Variants in SLC35F3 observed in about 807,000 individuals in gnomAD.
The protein encoded by SLC35F3 is solute carrier family 35 member F3.
Under a neutral mutation model 49.9 loss-of-function variants are expected in SLC35F3, and 25 were observed. The ratio of observed to expected loss-of-function variants is 0.50; its 90% CI spans 0.37 to 0.70. SLC35F3 has a LOEUF of 0.70. SLC35F3 is among the 30% of genes least tolerant of loss of function. SLC35F3 has a pLI of 0.00. For synonymous variants in SLC35F3, 275 were observed against 265.4 expected, an observed-to-expected ratio of 1.04 and a Z score of -0.35; for missense variants, 525 against 639.8, an observed-to-expected ratio of 0.82 and a Z score of 1.94.
chr1:233,934,525 T>C (rs550629717), intron 2 of SLC35F3, among the ~76,000 whole-genome samples: 106 of 152,260 alleles, frequency 7.0e-4, no homozygotes, highest in Non-Finnish European at 1.3e-3. Flanking sequence ...AAGAAAAAAA[T>C]CAATTATTAC....
intron 5 of SLC35F3, 44 bp downstream of exon 5, chr1:234,316,771 C>T (rs775625794): frequency 2.1e-5 from 33 of 1,577,808 alleles, no homozygotes; most frequent in Non-Finnish European, 2.8e-5. Flanking sequence ...GGGCTCTCCT[C>T]AGCCAGCACA....
chr1:233,941,125 A>G (rs1252332534), intron 2 of SLC35F3, among the ~76,000 whole-genome samples: 1 of 152,184 alleles, frequency 6.6e-6, no homozygotes, highest in Non-Finnish European at 1.5e-5. Context: ...CACACCGTAT[A>G]TGGTTATAAC....
chr1:234,153,418 G>A (rs540852294), intron 2 of SLC35F3, among the ~76,000 whole-genome samples: 1 of 152,062 alleles, frequency 6.6e-6, no homozygotes, highest in Non-Finnish European at 1.5e-5. Flanking sequence ...AGACCAGCCT[G>A]GGCAACATAG....
Position 234,214,776 on chromosome 1 carries a change from G to T in SLC35F3, c.284-16641G>T. 1 of 636,406 alleles carries T rather than the reference G, an allele frequency of 1.6e-6. No individual in the cohort carries two copies. 39.4% of individuals were successfully genotyped at this position (636,406 alleles called of 1,614,324 possible). ...CTGCCCTGAGCTCCCTGGCGAGCAG[G>T]AGTGAGCTGCTGCGGCGAGTGAGCA... On this transcript the variant is annotated intron_variant, in intron 2 of 7. Transcript: ENST00000366618. This position sits in a 1 kb window ranked among gnomAD's most constrained non-coding sequence, Gnocchi z 8.0.
intron 3 of SLC35F3, among the ~76,000 whole-genome samples, chr1:234,232,519 C>CCAAAAA (rs1667395583): frequency 1.4e-5 from 1 of 72,362 alleles, no homozygotes. Flanking sequence ...CAGGCCTAGT[C>CCAAAAA]AAAAAAAAAA....
chr1:234,115,638 G>A (rs999916776), intron 2 of SLC35F3, among the ~76,000 whole-genome samples: 1 of 152,148 alleles, frequency 6.6e-6, no homozygotes, highest in Non-Finnish European at 1.5e-5. Context: ...AATAGTAAAA[G>A]AATTTCCATA....
chr1:234,260,768 AC>A (rs1351494769), intron 3 of SLC35F3, among the ~76,000 whole-genome samples: 1 of 152,182 alleles, frequency 6.6e-6, no homozygotes, highest in Non-Finnish European at 1.5e-5. Flanking sequence ...AGCACATGGC[AC>A]CGGGAGAAAC....
intron 3 of SLC35F3, among the ~76,000 whole-genome samples, chr1:234,294,683 C>T (rs934013587): frequency 5.3e-5 from 8 of 152,326 alleles, no homozygotes; most frequent in African/African-American, 1.4e-4. Context: ...CGCTGAGTTC[C>T]GCTCATTTAT....
chr1:234,241,938 C>A (rs1473629094), intron 3 of SLC35F3, among the ~76,000 whole-genome samples: 2 of 152,096 alleles, frequency 1.3e-5, no homozygotes, highest in Non-Finnish European at 2.9e-5. Flanking sequence ...TCCTTGATGG[C>A]CTTTCTGCAC....
At chr1:234,100,693 T>C (rs1033375614) in intron 2 of SLC35F3, among the ~76,000 whole-genome samples, 3 of 152,160 alleles carry the variant, frequency 2.0e-5, no homozygotes, top group Non-Finnish European at 2.9e-5. Context: ...GGAGGGAGAC[T>C]AAAAGGAATA....
chr1:234,173,650 C>T (rs1666433319), intron 2 of SLC35F3, among the ~76,000 whole-genome samples: 1 of 152,202 alleles, frequency 6.6e-6, no homozygotes, highest in Non-Finnish European at 1.5e-5. Context: ...AAAGCAGCCA[C>T]AATGTGGATT....
intron 2 of SLC35F3, among the ~76,000 whole-genome samples, chr1:234,104,913 G>A (rs1431325250): frequency 2.6e-5 from 4 of 152,186 alleles, no homozygotes; most frequent in East Asian, 1.9e-4. Flanking sequence ...GGCGGATCAC[G>A]GGGTCAGGTG....
intron 2 of SLC35F3, among the ~76,000 whole-genome samples, chr1:233,926,604 G>T (rs543116844): frequency 9.2e-5 from 14 of 152,092 alleles, no homozygotes; most frequent in Non-Finnish European, 1.8e-4. Context: ...GGAGAAGTTT[G>T]TTATTACCGA....
chr1:234,168,223 G>T (rs2045520), intron 2 of SLC35F3, among the ~76,000 whole-genome samples: 98,633 of 152,212 alleles, frequency 0.65, 39,479 homozygotes, highest in Non-Finnish European at 0.91. Flanking sequence ...ATGACTTTCA[G>T]ATGCTGTCTG....
intron 2 of SLC35F3, among the ~76,000 whole-genome samples, chr1:233,968,194 C>T (rs1459497187): frequency 1.3e-5 from 2 of 152,148 alleles, no homozygotes; most frequent in Non-Finnish European, 2.9e-5. Context: ...CAATCTCTGC[C>T]TCCATCTTCA....
At chr1:233,994,453 C>CGA (rs1553295307) in intron 2 of SLC35F3, among the ~76,000 whole-genome samples, 41,882 of 151,976 alleles carry the variant, frequency 0.28, 6,007 homozygotes, top group East Asian at 0.49. Context: ...CTGTAAATGT[C>CGA]AGAGTGTGGT....
At chr1:234,155,292 A>G (rs1666133534) in intron 2 of SLC35F3, among the ~76,000 whole-genome samples, 1 of 152,096 alleles carries the variant, frequency 6.6e-6, no homozygotes, top group South Asian at 2.1e-4. Context: ...TTTGGGACAG[A>G]TTGTCTAATA....
At chr1:233,940,816 C>G (rs1028659002) in intron 2 of SLC35F3, among the ~76,000 whole-genome samples, 4 of 150,470 alleles carry the variant, frequency 2.7e-5, no homozygotes, top group Non-Finnish European at 5.9e-5. Flanking sequence ...CTTTGGTTTT[C>G]TGTGTGATGG....
At chr1:234,011,320 G>T (rs1284372422) in intron 2 of SLC35F3, among the ~76,000 whole-genome samples, 1 of 152,136 alleles carries the variant, frequency 6.6e-6, no homozygotes, top group Admixed American at 6.5e-5. Flanking sequence ...TTACAGATAT[G>T]ACAGGATTGC....
Sources: allele counts gnomAD v4.1 joint callset (sites outside exome capture counted in the v4.1 genomes callset), GRCh38; gene constraint gnomAD v4.1.1; non-coding constraint Gnocchi (gnomAD v3.1); transcripts MANE v1.5; gene names NCBI Gene and HGNC (gene_info 2026-07-23, HGNC 2026-07-21).